The following SAMD12 variants were observed in gnomAD, a reference collection of about 807,000 sequenced individuals.
SAMD12 encodes sterile alpha motif domain containing 12.
A neutral mutation model predicts 15.0 loss-of-function variants in SAMD12; 9 were observed. The ratio of observed to expected loss-of-function variants is 0.60; its 90% CI spans 0.36 to 1.05. SAMD12 has a LOEUF of 1.05. Ranked by LOEUF, SAMD12 falls within the 50% of genes least tolerant of loss-of-function variation. SAMD12 has a pLI of 0.01. For synonymous variants in SAMD12, 86 were observed against 90.1 expected, an observed-to-expected ratio of 0.96 and a Z score of 0.25; for missense variants, 230 against 234.2, an observed-to-expected ratio of 0.98 and a Z score of 0.12.
chr8:118,552,333 T>C (rs1411339058), intron 2 of SAMD12, among the ~76,000 whole-genome samples: 3 of 152,102 alleles, frequency 2.0e-5, no homozygotes, highest in Admixed American at 1.3e-4. Flanking sequence ...TCCACCATGA[T>C]CAAGTGGGCT....
intron 4 of SAMD12, among the ~76,000 whole-genome samples, chr8:118,222,851 T>C (rs1294505255): frequency 1.3e-5 from 2 of 152,128 alleles, no homozygotes; most frequent in Non-Finnish European, 2.9e-5. Context: ...GGACTCCCAG[T>C]TATGATCATA....
At chr8:118,146,607 T>C in the SAMD12 span, among the ~76,000 whole-genome samples, 1 of 152,208 alleles carries the variant, frequency 6.6e-6, no homozygotes, top group East Asian at 1.9e-4. Flanking sequence ...TTGTCCACTA[T>C]TTTTATTCAA....
At chr8:118,490,374 T>C (rs1007733561) in intron 2 of SAMD12, among the ~76,000 whole-genome samples, 7 of 152,326 alleles carry the variant, frequency 4.6e-5, no homozygotes, top group African/African-American at 1.4e-4. Flanking sequence ...CAAGTGTTAT[T>C]CGTGTTGATG....
chr8:118,422,139 C>T (rs1212448893), intron 3 of SAMD12, among the ~76,000 whole-genome samples: 1 of 152,134 alleles, frequency 6.6e-6, no homozygotes, highest in Non-Finnish European at 1.5e-5. Context: ...TAGTTCAGTG[C>T]TAAGACTATC....
At chr8:118,273,202 G>A (rs1813406671) in intron 4 of SAMD12, among the ~76,000 whole-genome samples, 1 of 152,184 alleles carries the variant, frequency 6.6e-6, no homozygotes, top group Non-Finnish European at 1.5e-5. Context: ...CAAAGGGGAA[G>A]AAAACATGTC....
chr8:118,474,870 T>G (rs569288276), intron 2 of SAMD12, among the ~76,000 whole-genome samples: 84 of 152,306 alleles, frequency 5.5e-4, no homozygotes, highest in African/African-American at 2.0e-3. Flanking sequence ...GGATTCCTCA[T>G]GAATGGGTTG....
chr8:118,289,583 T>C (rs1159729089), intron 4 of SAMD12, among the ~76,000 whole-genome samples: 1 of 152,236 alleles, frequency 6.6e-6, no homozygotes, highest in African/African-American at 2.4e-5. Context: ...AAAAATATGA[T>C]GTTGCCATGT....
chr8:118,312,325 C>A (rs1383507663), intron 4 of SAMD12, among the ~76,000 whole-genome samples: 1 of 152,152 alleles, frequency 6.6e-6, no homozygotes, highest in Non-Finnish European at 1.5e-5. Flanking sequence ...TCTCTGAATG[C>A]TTCAGAAGTT....
intron 2 of SAMD12, among the ~76,000 whole-genome samples, chr8:118,488,062 C>T (rs1470859177): frequency 6.6e-6 from 1 of 151,772 alleles, no homozygotes; most frequent in East Asian, 1.9e-4. Flanking sequence ...TCTGGATTCA[C>T]AGACATCCAG....
chr8:118,563,991 G>A (rs182384991), intron 2 of SAMD12, among the ~76,000 whole-genome samples: 45 of 152,256 alleles, frequency 3.0e-4, no homozygotes, highest in African/African-American at 1.0e-3. Flanking sequence ...ACTTCATTGT[G>A]CTAAACCCCA....
chr8:118,215,788 A>G (rs17480935), intron 4 of SAMD12, among the ~76,000 whole-genome samples: 2 of 152,228 alleles, frequency 1.3e-5, no homozygotes, highest in African/African-American at 4.8e-5. Flanking sequence ...TACAAAGGAC[A>G]TGAACTCATT....
chr8:118,285,697 T>C (rs772773909), intron 4 of SAMD12, among the ~76,000 whole-genome samples: 1 of 152,204 alleles, frequency 6.6e-6, no homozygotes, highest in Non-Finnish European at 1.5e-5. Flanking sequence ...TTGGTTTTCT[T>C]TTCTGTAAGT....
At chr8:118,405,327 A>G (rs1172741365) in intron 3 of SAMD12, among the ~76,000 whole-genome samples, 2 of 152,216 alleles carry the variant, frequency 1.3e-5, no homozygotes, top group African/African-American at 4.8e-5. Flanking sequence ...AATAGAATGG[A>G]TAAATTAAAA....
intron 3 of SAMD12, among the ~76,000 whole-genome samples, chr8:118,430,986 T>TG (rs1822385902): frequency 6.6e-6 from 1 of 151,898 alleles, no homozygotes; most frequent in South Asian, 2.1e-4. Context: ...TTTTCTGATT[T>TG]TAACTGAGTA....
At chr8:118,207,448 T>C (rs1040797029) in intron 4 of SAMD12, among the ~76,000 whole-genome samples, 3 of 152,144 alleles carry the variant, frequency 2.0e-5, no homozygotes, top group Non-Finnish European at 2.9e-5. Flanking sequence ...TAAAAGCCCA[T>C]TGAACCTTCC....
chr8:118,370,990 G>T (rs753705061), intron 4 of SAMD12, among the ~76,000 whole-genome samples: 16 of 152,036 alleles, frequency 1.1e-4, no homozygotes, highest in Non-Finnish European at 4.4e-5. Context: ...AGAATGATTG[G>T]TTCTGCCTGA....
intron 2 of SAMD12, among the ~76,000 whole-genome samples, chr8:118,480,965 C>T (rs1244147771): frequency 3.3e-5 from 5 of 152,216 alleles, no homozygotes; most frequent in Non-Finnish European, 7.3e-5. Flanking sequence ...TATTTTGAGA[C>T]AGAGTTTCAC....
chr8:118,392,417 G>A (rs1048149663), intron 3 of SAMD12, among the ~76,000 whole-genome samples: 3 of 152,172 alleles, frequency 2.0e-5, no homozygotes, highest in Admixed American at 1.3e-4. Flanking sequence ...GCGACAGAAC[G>A]AGACTCCGTC....
At chr8:118,230,516 T>G (rs1295334340) in intron 4 of SAMD12, among the ~76,000 whole-genome samples, 1 of 152,220 alleles carries the variant, frequency 6.6e-6, no homozygotes, top group African/African-American at 2.4e-5. Flanking sequence ...GTGGGTCTGA[T>G]GTATGCAGTC....
Sources: allele counts gnomAD v4.1 joint callset (sites outside exome capture counted in the v4.1 genomes callset), GRCh38; gene constraint gnomAD v4.1.1; transcripts MANE v1.5; gene names NCBI Gene and HGNC (gene_info 2026-07-23, HGNC 2026-07-21).